CARD16: variants seen among roughly 807,000 people sequenced by gnomAD.
CARD16 encodes caspase recruitment domain family member 16, also known as caspase recruitment domain-containing protein 16.
A neutral mutation model predicts 11.9 loss-of-function variants in CARD16; 8 were observed. The ratio of observed to expected loss-of-function variants is 0.67; its 90% confidence interval spans 0.39 to 1.21. The LOEUF (loss-of-function observed/expected upper bound fraction) is 1.21. Ranked by LOEUF, CARD16 falls within the 50% of genes most tolerant of loss-of-function variation. The pLI is 0.01. For synonymous variants in CARD16, 44 were observed against 43.8 expected, an observed-to-expected ratio of 1.00 and a Z score of -0.02; for missense variants, 131 against 118.1, an observed-to-expected ratio of 1.11 and a Z score of -0.51.
chr11:105,044,222 G>T, intron 2 of CARD16, 170 bp downstream of exon 2: 1 of 1,051,096 alleles, frequency 9.5e-7, no homozygotes, highest in Non-Finnish European at 1.4e-6. Context: ...GAGGATGAAG[G>T]AACACAAAAA....
intron 1 of CARD16, 106 bp from the exon 2 acceptor site, chr11:105,044,764 C>T: frequency 1.3e-6 from 2 of 1,539,206 alleles, no homozygotes; most frequent in Non-Finnish European, 8.8e-7. Context: ...GAAATGTCCC[C>T]CTCCTCACAG....
In CARD16 at chr11:105,044,675, G is replaced by A; in HGVS notation, c.8-17C>T. On this transcript the variant is annotated splice_polypyrimidine_tract_variant and intron_variant, in intron 1 of 3. Coordinates refer to ENST00000673097, the MANE Select transcript of CARD16 (RefSeq NM_052889.4). ...GGACCTTGTCTGTTTGGAGCACAAG[G>A]ATTTCTCACATCATGAAAACAGCCT... 6.2e-7 allele frequency: 1 copy of A among 1,612,446 alleles called. No individual in the cohort carries two copies. The highest frequency in any genetic ancestry group is 8.5e-7 in the Non-Finnish European group (1 of 1,178,752).
chr11:105,042,581 A>G lies in CARD16; in HGVS notation c.*44-862T>C, dbSNP rs549610758. ...TTGCAAACAAATTTGAAAAACTGCT[A>G]TACAATCAGATAAACAAAGGCAGCA... On this transcript the variant is annotated intron_variant, in intron 3 of 3. Coordinates refer to ENST00000673097, the MANE Select transcript of CARD16 (RefSeq NM_052889.4). Among the ~76,000 whole-genome samples the G allele has an allele frequency of 2.6e-5, 4 of 152,326 alleles. No individual in the cohort carries two copies. In the East Asian group the frequency reaches 7.7e-4, roughly 29 times the overall value.
intron 1 of CARD16, 196 bp downstream of exon 1, chr11:105,045,095 G>A: frequency 1.3e-6 from 1 of 743,434 alleles, no homozygotes; most frequent in East Asian, 2.6e-5. Flanking sequence ...TAAAGTCTCT[G>A]TTCCTTTCTG....
Position 105,043,544 on chromosome 11 carries a change from A to T in CARD16, c.276T>A (p.Gly92=). 1 of 1,605,948 alleles carries T rather than the reference A, an allele frequency of 6.2e-7. No individual in the cohort carries two copies. The highest frequency in any genetic ancestry group is 8.5e-7 in the Non-Finnish European group (1 of 1,173,542). ...TACTAAGCTAATTTCCAGGTATCGG[A>T]CCTATAAAAAGATGAAGAACATTGA... The part of the protein sequence containing the change: ...YLAETLGLSA[G]PIPGN Residue 92 remains glycine (G), a splice_region_variant and synonymous_variant, in exon 3 of 4, where the codon GGT becomes GGA. Coordinates refer to ENST00000673097, the MANE Select transcript of CARD16 (RefSeq NM_052889.4).
Position 105,045,289 on chromosome 11 carries a change from AC to A in CARD16, c.7+1del. On this transcript the variant is annotated splice_donor_variant, in intron 1 of 3. Transcript: ENST00000673097. LOFTEE classifies it high-confidence loss of function. ...CTGTTCTTGGAACAGTAAAAGACTCACCGGCCATGGCTTTTCTCTCCTACCC... is the reference window on the plus strand; with the variant it reads ...CTGTTCTTGGAACAGTAAAAGACTCACGGCCATGGCTTTTCTCTCCTACCC... 6.2e-7 allele frequency: 1 copy of A among 1,613,948 alleles called. No homozygotes were observed. The highest frequency in any genetic ancestry group is 2.2e-5 in the East Asian group (1 of 44,878).
At chr11:105,045,252 C>A (rs1864179585) in intron 1 of CARD16, 39 bp downstream of exon 1, 2 of 1,613,890 alleles carry the variant, frequency 1.2e-6, no homozygotes, top group Non-Finnish European at 1.7e-6. Flanking sequence ...ACAACTCTTT[C>A]TTCCCAGGGA....
intron 3 of CARD16, 122 bp downstream of exon 3, chr11:105,043,359 AAG>A (rs911232225): frequency 3.1e-4 from 165 of 537,910 alleles, no homozygotes; most frequent in Middle Eastern, 4.0e-4. Flanking sequence ...TAGATTAAAA[AAG>A]AAAATTATAT....
chr11:105,043,113 T>A (rs1591214551), intron 3 of CARD16, among the ~76,000 whole-genome samples: 1 of 151,994 alleles, frequency 6.6e-6, no homozygotes, highest in Admixed American at 6.6e-5. Flanking sequence ...GATGGTGGCA[T>A]CAAAAACCAA....
intron 1 of CARD16, 114 bp from the exon 2 acceptor site, chr11:105,044,772 C>G: frequency 6.6e-7 from 1 of 1,525,754 alleles, no homozygotes; most frequent in Non-Finnish European, 8.8e-7. Flanking sequence ...CCCCTCCTCA[C>G]AGTTGGGTAA....
chr11:105,043,668 T>C, intron 2 of CARD16, 123 bp from the exon 3 acceptor site: 2 of 718,300 alleles, frequency 2.8e-6, no homozygotes, highest in Non-Finnish European at 5.0e-6. Context: ...CAATAAATAA[T>C]GTTCAAGTGC....
chr11:105,043,926 C>T (rs954969240), intron 2 of CARD16: 20 of 251,248 alleles, frequency 8.0e-5, no homozygotes, highest in African/African-American at 9.0e-5. Context: ...ATTTCCTGAA[C>T]GTATCATCGT....
At chr11:105,041,838 T>C in intron 3 of CARD16, 119 bp from the exon 4 acceptor site, 1 of 949,580 alleles carries the variant, frequency 1.1e-6, no homozygotes, top group Non-Finnish European at 1.5e-6. Context: ...AATCTAGTCA[T>C]TAACATAGTT....
intron 1 of CARD16, 81 bp downstream of exon 1, chr11:105,045,209 TA>T (rs1158448583): frequency 2.5e-6 from 4 of 1,591,494 alleles, no homozygotes; most frequent in Non-Finnish European, 3.4e-6. Context: ...CCACAGATAC[TA>T]ATTATGGCTT....
chr11:105,044,445 G>C lies in CARD16; in HGVS notation c.221C>G (p.Thr74Arg). Residue 74 changes from threonine (T) to arginine (R), a missense_variant, in exon 2 of 4, where the codon ACA (threonine) becomes AGA (arginine). By Grantham distance (71) the Thr-to-Arg change is moderately conservative (BLOSUM62 -1). Transcript: ENST00000673097. ...GTAACTGTCTTCTTCACAAATGTAT[G>C]TGATGCAAATTTGGCATGCCTGTGC... Reference protein sequence around the residue: ...KGAQACQICITYICEEDSYLA... With the variant: ...KGAQACQICIRYICEEDSYLA... 2 of 1,614,138 alleles carry C rather than the reference G, an allele frequency of 1.2e-6. No homozygotes were observed. The highest frequency in any genetic ancestry group is 1.7e-5 in the Admixed American group (1 of 60,020).
At chr11:105,045,033 G>C (rs528706053) in intron 1 of CARD16, 1 of 616,428 alleles carries the variant, frequency 1.6e-6, no homozygotes, top group South Asian at 2.1e-5. Context: ...TCAGACTTAC[G>C]ACAGGTAAGC....
chr11:105,045,325 G>A lies in CARD16; in HGVS notation c.-28C>T. 2 of 1,613,884 alleles carry A rather than the reference G, an allele frequency of 1.2e-6. No homozygotes were observed. Among genetic ancestry groups the A allele is most frequent in the Non-Finnish European group, 8.5e-7 (1 of 1,179,822 alleles). Reference sequence around the variant, plus strand: ...CTTTTCTCTCCTACCCTTCTTGTGTGGGCTGAAACTGAAAGTATGTTTCGC... The same window carrying A: ...CTTTTCTCTCCTACCCTTCTTGTGTAGGCTGAAACTGAAAGTATGTTTCGC... On this transcript the variant is annotated 5_prime_UTR_variant, in exon 1 of 4. Coordinates refer to ENST00000673097, the MANE Select transcript of CARD16 (RefSeq NM_052889.4).
At chr11:105,043,394 A>G in intron 3 of CARD16, 89 bp downstream of exon 3, 2 of 877,910 alleles carry the variant, frequency 2.3e-6, no homozygotes, top group South Asian at 1.6e-5. Flanking sequence ...GGAATTCTCC[A>G]TAGCCCCTTC....
intron 2 of CARD16, 44 bp from the exon 3 acceptor site, chr11:105,043,589 T>C (rs985712205): frequency 6.9e-7 from 1 of 1,440,324 alleles, no homozygotes; most frequent in African/African-American, 1.4e-5. Context: ...TTATCATCTC[T>C]GGAAAACTTT....
Sources: allele counts gnomAD v4.1 joint callset (sites outside exome capture counted in the v4.1 genomes callset), GRCh38; gene constraint gnomAD v4.1.1; transcripts MANE v1.5; gene names NCBI Gene and HGNC (gene_info 2026-07-23, HGNC 2026-07-21).